Variants in ALK observed in about 807,000 individuals in gnomAD.
The protein encoded by ALK is ALK receptor tyrosine kinase, also known as ALK tyrosine kinase receptor.
Under a neutral mutation model 163.1 loss-of-function variants are expected in ALK, and 74 were observed. The ratio of observed to expected loss-of-function variants is 0.45; its 90% CI spans 0.38 to 0.55. The LOEUF is 0.55. Among genes scored for constraint, ALK ranks in the 20% least tolerant of loss-of-function variants. The pLI, the probability that ALK is intolerant of heterozygous loss-of-function variation, is 0.00. For synonymous variants in ALK, 960 were observed against 843.2 expected (o/e 1.14, Z -2.40); for missense variants, 2,063 against 2,105.3 (o/e 0.98, Z 0.39).
At chr2:29,531,438 A>G (rs762451537) in intron 4 of ALK, among the ~76,000 whole-genome samples, 1 of 152,108 alleles carries the variant, frequency 6.6e-6, no homozygotes, top group Non-Finnish European at 1.5e-5. Flanking sequence ...ACTGAATTAC[A>G]TTGGCGTAGT....
chr2:29,638,461 C>T (rs566519476), intron 3 of ALK, among the ~76,000 whole-genome samples: 6 of 125,854 alleles, frequency 4.8e-5, no homozygotes, highest in East Asian at 5.0e-4. Flanking sequence ...AGGACAGCTT[C>T]GAGTGTCAGG....
intron 11 of ALK, among the ~76,000 whole-genome samples, chr2:29,256,807 G>A (rs1425895490): frequency 6.6e-6 from 1 of 152,132 alleles, no homozygotes; most frequent in Non-Finnish European, 1.5e-5. Context: ...TAGCCTAGTG[G>A]AGCATGGGCT....
chr2:29,608,031 T>C (rs998843676), intron 3 of ALK, among the ~76,000 whole-genome samples: 4 of 52,746 alleles, frequency 7.6e-5, no homozygotes. Flanking sequence ...GTAAACCACA[T>C]TTCTATTGCT....
chr2:29,792,487 G>GTT (rs891538173), intron 1 of ALK, among the ~76,000 whole-genome samples: 2 of 152,100 alleles, frequency 1.3e-5, no homozygotes, highest in Non-Finnish European at 2.9e-5. Context: ...TAAAGTAAGT[G>GTT]TAAGAAAAAT....
At chr2:29,281,876 C>G (rs901330498) in intron 9 of ALK, among the ~76,000 whole-genome samples, 1 of 152,236 alleles carries the variant, frequency 6.6e-6, no homozygotes, top group Non-Finnish European at 1.5e-5. Flanking sequence ...ATTCAGGCAA[C>G]AGACTGTTAA....
intron 5 of ALK, among the ~76,000 whole-genome samples, chr2:29,354,218 G>A (rs1031228889): frequency 4.6e-5 from 7 of 152,206 alleles, no homozygotes; most frequent in Admixed American, 4.6e-4. Flanking sequence ...GCTGTTTCCT[G>A]TCCTGACTCC....
intron 1 of ALK, among the ~76,000 whole-genome samples, chr2:29,896,100 G>A (rs1282128368): frequency 6.6e-6 from 1 of 152,202 alleles, no homozygotes; most frequent in African/African-American, 2.4e-5. Context: ...CACAGAAGCT[G>A]CAGGACAAAA....
intron 4 of ALK, among the ~76,000 whole-genome samples, chr2:29,513,454 A>G (rs1471748784): frequency 2.0e-5 from 3 of 147,844 alleles, no homozygotes; most frequent in African/African-American, 7.5e-5. Flanking sequence ...ATATGTAGAA[A>G]GCTGAAACTG....
rs1175115143 is a variant in ALK, at chr2:29,920,667, G to C, written c.-8C>G. On this transcript the variant is annotated 5_prime_UTR_variant, in exon 1 of 29. Transcript: ENST00000389048. ...GAGCCCGATGGCTCCCATCCCGCCG[G>C]AGGAGGCCGTTTACACTGCTCTCCG... 6.5e-7 allele frequency: 1 copy of C among 1,534,508 alleles called. No homozygotes were observed.
At chr2:29,861,005 TACAA>T in intron 1 of ALK, among the ~76,000 whole-genome samples, 2 of 152,058 alleles carry the variant, frequency 1.3e-5, no homozygotes, top group African/African-American at 2.4e-5. Context: ...ACCCTATCTC[TACAA>T]AAAAATAAAA....
intron 1 of ALK, among the ~76,000 whole-genome samples, chr2:29,831,642 A>G (rs1239894433): frequency 2.0e-5 from 3 of 152,198 alleles, no homozygotes; most frequent in African/African-American, 7.2e-5. Context: ...GGCCAGTGCA[A>G]TGCCTTCTCA....
At chr2:29,849,886 G>A (rs1665945961) in intron 1 of ALK, among the ~76,000 whole-genome samples, 1 of 152,150 alleles carries the variant, frequency 6.6e-6, no homozygotes, top group Admixed American at 6.5e-5. Flanking sequence ...ATCTCGTGGT[G>A]CCAATTTTTC....
At chr2:29,616,179 G>A (rs1275298894) in intron 3 of ALK, among the ~76,000 whole-genome samples, 1 of 152,232 alleles carries the variant, frequency 6.6e-6, no homozygotes, top group African/African-American at 2.4e-5. Flanking sequence ...GGACACAGGA[G>A]AGGGAGCTCC....
chr2:29,391,823 C>T (rs1669182792), intron 4 of ALK, among the ~76,000 whole-genome samples: 1 of 152,152 alleles, frequency 6.6e-6, no homozygotes, highest in African/African-American at 2.4e-5. Context: ...AGTTCCACAC[C>T]TACTGAGAGT....
At chr2:29,588,749 C>T (rs2148204767) in intron 3 of ALK, among the ~76,000 whole-genome samples, 1 of 152,274 alleles carries the variant, frequency 6.6e-6, no homozygotes, top group African/African-American at 2.4e-5. Flanking sequence ...TTGGCTATTT[C>T]CTAACTAAAC....
chr2:29,223,836 G>A (rs949095597), intron 19 of ALK: 4 of 435,780 alleles, frequency 9.2e-6, no homozygotes, highest in African/African-American at 2.0e-5. Flanking sequence ...GACCCAATAT[G>A]GTCTGCAGAT....
chr2:29,430,143 T>C (rs1670239012), intron 4 of ALK, among the ~76,000 whole-genome samples: 1 of 152,104 alleles, frequency 6.6e-6, no homozygotes, highest in Non-Finnish European at 1.5e-5. Flanking sequence ...AATTTGGCAA[T>C]GGATTCTTAG....
intron 9 of ALK, among the ~76,000 whole-genome samples, chr2:29,291,017 G>T (rs1045830376): frequency 6.6e-6 from 1 of 152,142 alleles, no homozygotes; most frequent in Non-Finnish European, 1.5e-5. Context: ...AATGTGAAAT[G>T]GATAAGAGAT....
intron 4 of ALK, among the ~76,000 whole-genome samples, chr2:29,483,027 C>T (rs1046868313): frequency 1.3e-5 from 2 of 152,152 alleles, no homozygotes; most frequent in Non-Finnish European, 2.9e-5. Flanking sequence ...GAATGAGCAA[C>T]ATGTGTTCTA....
Sources: allele counts gnomAD v4.1 joint callset (sites outside exome capture counted in the v4.1 genomes callset), GRCh38; gene constraint gnomAD v4.1.1; transcripts MANE v1.5; gene names NCBI Gene and HGNC (gene_info 2026-07-23, HGNC 2026-07-21).